The following CSMD1 variants were observed in gnomAD, a reference collection of about 807,000 sequenced individuals.
CSMD1 encodes CUB and sushi domain-containing protein 1.
CSMD1 carries 213 observed loss-of-function variants against 417.5 expected under a neutral mutation model. The observed-to-expected ratio is 0.51, with a 90% CI of 0.46 to 0.57. The LOEUF (loss-of-function observed/expected upper bound fraction) is 0.57, where lower values mean the gene tolerates loss of function less well. Among genes scored for constraint, CSMD1 ranks in the 20% least tolerant of loss-of-function variants. CSMD1 has a pLI of 0.00. For missense variants in CSMD1, 6,923 were observed against 4,529.7 expected (o/e 1.53, Z -15.17); for synonymous variants, 2,862 against 1,736.8 (o/e 1.65, Z -16.11).
chr8:3,943,137 T>C (rs1244312146), intron 5 of CSMD1, among the ~76,000 whole-genome samples: 3 of 152,154 alleles, frequency 2.0e-5, no homozygotes, highest in African/African-American at 7.2e-5. Context: ...ACAAGCTGAA[T>C]GCATTGTTAT....
intron 10 of CSMD1, among the ~76,000 whole-genome samples, chr8:3,547,269 G>A (rs902555313): frequency 6.6e-6 from 1 of 152,174 alleles, no homozygotes; most frequent in Non-Finnish European, 1.5e-5. Context: ...CAAGAACAAA[G>A]ACAGAAAGTC....
At position 3,884,527 on chromosome 8, in the gene CSMD1, A is replaced by G. The variant is rs536356789; in HGVS notation, c.818+113376T>C. Among the ~76,000 whole-genome samples the G allele has an allele frequency of 1.0e-3, 158 of 152,268 alleles. 1 individual carries two copies. Among genetic ancestry groups the G allele is most frequent in the African/African-American group, 1.1e-3 (46 of 41,558 alleles). On this transcript the variant is annotated intron_variant, in intron 5 of 69. Transcript: ENST00000635120. ...GATTCTCCTCCTTCGGGGTCCCAAC[A>G]CTGCAGTCACTCAGGACTCTGATAT...
intron 49 of CSMD1, among the ~76,000 whole-genome samples, chr8:3,080,462 T>C (rs1002643456): frequency 3.3e-5 from 5 of 152,190 alleles, no homozygotes; most frequent in Non-Finnish European, 7.3e-5. Flanking sequence ...AAAAACAACC[T>C]GGAGTTCCCT....
chr8:3,327,347 A>T (rs777177887), intron 23 of CSMD1, among the ~76,000 whole-genome samples: 8 of 152,112 alleles, frequency 5.3e-5, no homozygotes, highest in Non-Finnish European at 7.4e-5. Flanking sequence ...GTTAACCAGG[A>T]TGGTCTCGAT....
chr8:4,567,753 A>G (rs1798685132), intron 2 of CSMD1, among the ~76,000 whole-genome samples: 2 of 152,174 alleles, frequency 1.3e-5, no homozygotes, highest in East Asian at 1.9e-4. Flanking sequence ...CATTGCACTT[A>G]TATTAAACTA....
At chr8:4,272,750 C>G (rs528415145) in intron 3 of CSMD1, among the ~76,000 whole-genome samples, 8 of 152,174 alleles carry the variant, frequency 5.3e-5, no homozygotes, top group African/African-American at 7.2e-5. Flanking sequence ...TTCTGTAATT[C>G]TTGAATGAAC....
At chr8:3,473,801 G>C (rs1258088150) in intron 11 of CSMD1, among the ~76,000 whole-genome samples, 1 of 152,128 alleles carries the variant, frequency 6.6e-6, no homozygotes, top group Non-Finnish European at 1.5e-5. Flanking sequence ...CCAAGACCTA[G>C]AGACTGGGTA....
intron 12 of CSMD1, among the ~76,000 whole-genome samples, chr8:3,453,395 T>A (rs1378299872): frequency 6.6e-6 from 1 of 152,174 alleles, no homozygotes; most frequent in Non-Finnish European, 1.5e-5. Flanking sequence ...TTTTTTTAAT[T>A]GTGATGTTAG....
At chr8:4,006,823 A>ATTTTTTT (rs759780050) in intron 4 of CSMD1, among the ~76,000 whole-genome samples, 20 of 95,968 alleles carry the variant, frequency 2.1e-4, no homozygotes, top group African/African-American at 5.0e-4. Flanking sequence ...GACTTTTCCT[A>ATTTTTTT]TTTTTTTTTT....
intron 11 of CSMD1, among the ~76,000 whole-genome samples, chr8:3,481,421 G>C (rs144769600): frequency 6.6e-6 from 1 of 152,234 alleles, no homozygotes; most frequent in East Asian, 1.9e-4. Context: ...AAAAGTTGAA[G>C]GGGTAAAGGG....
rs765837557 is a variant in CSMD1, at chr8:2,999,967, C to T, written c.8194G>A (p.Val2732Ile). Residue 2732 changes from valine (V) to isoleucine (I), a missense_variant, in exon 53 of 70, where the codon GTC becomes ATC. Transcript: ENST00000635120. Reference sequence around the variant, plus strand: ...CAAAGAGTGCACTTACGGACACAGACAGGCGTTTGTCCAGACCACTTGTGG... The same window carrying T: ...CAAAGAGTGCACTTACGGACACAGATAGGCGTTTGTCCAGACCACTTGTGG... ...QDHKWSGQTP[V>I]CVPITCGHPG... 3 of 1,607,854 alleles carry T rather than the reference C, an allele frequency of 1.9e-6. No individual in the cohort carries two copies. The highest frequency in any genetic ancestry group is 1.7e-5 in the Admixed American group (1 of 58,944).
chr8:3,647,220 T>C (rs892215448), intron 7 of CSMD1, among the ~76,000 whole-genome samples: 1 of 152,148 alleles, frequency 6.6e-6, no homozygotes, highest in East Asian at 1.9e-4. Context: ...AAAATATCTA[T>C]GCTGTGAAAC....
chr8:4,062,319 A>T (rs1254508536), intron 3 of CSMD1, among the ~76,000 whole-genome samples: 1 of 152,060 alleles, frequency 6.6e-6, no homozygotes, highest in Non-Finnish European at 1.5e-5. Flanking sequence ...ACTTCTAAAT[A>T]ATATGGTCCA....
intron 3 of CSMD1, among the ~76,000 whole-genome samples, chr8:4,062,006 G>C (rs1798996956): frequency 2.0e-5 from 3 of 152,140 alleles, no homozygotes; most frequent in Admixed American, 6.5e-5. Context: ...GAGAGGTCAA[G>C]GTGTAGTGGG....
At chr8:3,486,035 C>G (rs1818013013) in intron 11 of CSMD1, among the ~76,000 whole-genome samples, 1 of 152,088 alleles carries the variant, frequency 6.6e-6, no homozygotes, top group African/African-American at 2.4e-5. Flanking sequence ...TTCTCCTTGT[C>G]TTCACTTGGC....
chr8:3,589,009 C>T (rs1481836746), intron 8 of CSMD1, among the ~76,000 whole-genome samples: 1 of 151,928 alleles, frequency 6.6e-6, no homozygotes, highest in East Asian at 1.9e-4. Context: ...CAGGGAAATG[C>T]AAATTAAAAC....
chr8:4,830,343 T>G (rs1800078314), intron 1 of CSMD1, among the ~76,000 whole-genome samples: 1 of 152,240 alleles, frequency 6.6e-6, no homozygotes, highest in South Asian at 2.1e-4. Flanking sequence ...CTACCAAGAT[T>G]TGACACATTA....
intron 3 of CSMD1, among the ~76,000 whole-genome samples, chr8:4,185,047 G>C (rs1376034728): frequency 6.7e-6 from 1 of 148,892 alleles, no homozygotes; most frequent in Non-Finnish European, 1.5e-5. Context: ...GCTGAGGCAG[G>C]AGAATGGCTA....
At chr8:4,031,303 G>A (rs74728380) in intron 4 of CSMD1, among the ~76,000 whole-genome samples, 2,604 of 152,230 alleles carry the variant, frequency 0.017, 67 homozygotes, top group African/African-American at 0.056. Context: ...TAGACTTACC[G>A]TCCCAAGTGG....
Sources: allele counts gnomAD v4.1 joint callset (sites outside exome capture counted in the v4.1 genomes callset), GRCh38; gene constraint gnomAD v4.1.1; transcripts MANE v1.5; gene names NCBI Gene and HGNC (gene_info 2026-07-23, HGNC 2026-07-21).